MPP3: variants seen among roughly 807,000 people sequenced by gnomAD.
The protein encoded by MPP3 is MAGUK p55 subfamily member 3.
In MPP3, 48 loss-of-function variants were observed where a neutral mutation model predicts 80.7. The ratio of observed to expected loss-of-function variants is 0.59; its 90% CI spans 0.47 to 0.76. The LOEUF (loss-of-function observed/expected upper bound fraction) is 0.76, where lower values mean the gene tolerates loss of function less well. Ranked by LOEUF, MPP3 falls within the 30% of genes least tolerant of loss-of-function variation. MPP3 has a pLI of 0.00. For missense variants in MPP3, 620 were observed against 763.0 expected (o/e 0.81, Z 2.21); for synonymous variants, 311 against 297.6 (o/e 1.04, Z -0.46).
intron 19 of MPP3, among the ~76,000 whole-genome samples, chr17:43,804,464 A>C (rs1240771121): frequency 6.6e-6 from 1 of 152,208 alleles, no homozygotes; most frequent in Non-Finnish European, 1.5e-5. Context: ...TCAACCAGTG[A>C]TGCTGGGGTA....
intron 16 of MPP3, chr17:43,811,500 CAGCCAGAA>C (rs1408975396): frequency 3.0e-6 from 1 of 335,612 alleles, no homozygotes; most frequent in Non-Finnish European, 5.5e-6. Context: ...GTAGAGAGCA[CAGCCAGAA>C]TCGGTCTCTC....
At chr17:43,819,995 A>C (rs2045341964) in intron 11 of MPP3, among the ~76,000 whole-genome samples, 1 of 151,984 alleles carries the variant, frequency 6.6e-6, no homozygotes, top group Non-Finnish European at 1.5e-5. Context: ...CTCAGGCTGG[A>C]GTGCAGTGGT....
chr17:43,813,481 C>T (rs2044963176), intron 16 of MPP3, among the ~76,000 whole-genome samples: 1 of 152,164 alleles, frequency 6.6e-6, no homozygotes, highest in African/African-American at 2.4e-5. Context: ...TGGAGCTTGA[C>T]ATCCCAGGGT....
At chr17:43,810,228 G>C (rs1310371297) in intron 18 of MPP3, among the ~76,000 whole-genome samples, 2 of 152,176 alleles carry the variant, frequency 1.3e-5, no homozygotes, top group Non-Finnish European at 2.9e-5. Context: ...TCAAAGCTTG[G>C]AAGTTTTTCT....
intron 7 of MPP3, among the ~76,000 whole-genome samples, chr17:43,829,326 G>C (rs941580604): frequency 2.0e-5 from 3 of 152,162 alleles, no homozygotes; most frequent in Non-Finnish European, 4.4e-5. Context: ...CTCCAAAAAA[G>C]CTTTATTTTA....
chr17:43,826,141 AAC>A (rs2045685520), intron 8 of MPP3, among the ~76,000 whole-genome samples: 1 of 152,250 alleles, frequency 6.6e-6, no homozygotes, highest in Non-Finnish European at 1.5e-5. Flanking sequence ...CCAGTATTCA[AAC>A]ACAGTTATTA....
At chr17:43,823,652 TCTC>T (rs2045564106) in intron 10 of MPP3, among the ~76,000 whole-genome samples, 1 of 152,198 alleles carries the variant, frequency 6.6e-6, no homozygotes, top group South Asian at 2.1e-4. Flanking sequence ...CTTGGTACCT[TCTC>T]CTCCTCTTCA....
chr17:43,811,386 C>T, intron 16 of MPP3, 181 bp from the exon 17 acceptor site: 4 of 594,856 alleles, frequency 6.7e-6, no homozygotes, highest in Non-Finnish European at 3.0e-6. Flanking sequence ...ATCACTGATT[C>T]ACACAACAAC....
At chr17:43,826,542 G>A (rs2045703906) in intron 8 of MPP3, among the ~76,000 whole-genome samples, 2 of 152,164 alleles carry the variant, frequency 1.3e-5, no homozygotes, top group Non-Finnish European at 2.9e-5. Context: ...GACTTTGGGG[G>A]TAACATCGCC....
intron 9 of MPP3, 163 bp downstream of exon 9, chr17:43,825,593 C>A (rs2045656225): frequency 1.7e-6 from 1 of 581,968 alleles, no homozygotes; most frequent in Non-Finnish European, 3.1e-6. Flanking sequence ...GCTGCCACCC[C>A]ATACCCCGGG....
Position 43,830,084 on chromosome 17 carries a change from G to A in MPP3, c.246C>T (p.Ala82=), listed in dbSNP as rs1282798589. The change falls in exon 6 of 20, where the codon GCC becomes GCT. Residue 82 remains alanine, a synonymous_variant. Transcript: ENST00000398389. ...AEDVMEELQA[A]SVHSDERELL... The stretch of plus-strand genomic sequence containing the variant: ...GCTCCCTCTCATCACTGTGCACGGA[G>A]GCGGCCTGCAACTCCTCCATCACCT... The A allele has an allele frequency of 1.3e-6, 2 of 1,554,828 alleles. No homozygotes were observed. Among genetic ancestry groups the A allele is most frequent in the Non-Finnish European group, 1.7e-6 (2 of 1,151,932 alleles).
intron 11 of MPP3, 36 bp downstream of exon 11, chr17:43,820,826 C>T: frequency 6.2e-7 from 1 of 1,605,922 alleles, no homozygotes; most frequent in Non-Finnish European, 8.5e-7. Flanking sequence ...CTCTGCCACT[C>T]TGGAACCAGC....
In MPP3 at chr17:43,801,730, G is replaced by C; in HGVS notation, c.1729C>G (p.His577Asp). Residue 577 changes from histidine (H) to aspartate (D), a missense_variant, in exon 20 of 20, where the codon CAC (histidine) becomes GAC (aspartate). Coordinates refer to ENST00000398389, the MANE Select transcript of MPP3 (RefSeq NM_001932.6). ...CTGACCCAACTAACAGGTACCCAGT[G>C]AGTGTCCTTGCTCAGCTTCTCTAAG... ...VVLEKLSKDT[H>D]WVPVSWVR 1.9e-6 allele frequency: 3 copies of C among 1,614,124 alleles called. No homozygotes were observed. Among genetic ancestry groups the C allele is most frequent in the Middle Eastern group, 1.6e-4 (1 of 6,062 alleles).
chr17:43,809,005 C>CT lies in MPP3; in HGVS notation c.1531dup (p.Arg511LysfsTer11). On this transcript the variant is annotated frameshift_variant, in exon 19 of 20. Transcript: ENST00000398389. LOFTEE classifies it high-confidence loss of function. ...AGCTGGGGACATAGGTGGCGTTTTT[C>CT]TTTTTTCCTGAATTGCAGGCTTTAC... 1 of 1,589,774 alleles carries CT rather than the reference C, an allele frequency of 6.3e-7. No individual in the cohort carries two copies. Among genetic ancestry groups the CT allele is most frequent in the Non-Finnish European group, 8.6e-7 (1 of 1,167,684 alleles).
intron 16 of MPP3, among the ~76,000 whole-genome samples, chr17:43,813,593 G>A (rs562723276): frequency 1.8e-4 from 28 of 152,216 alleles, no homozygotes; most frequent in Admixed American, 1.1e-3. Context: ...AGGGAGTGCC[G>A]AGAAATACCA....
At chr17:43,815,847 T>G (rs371602276) in intron 14 of MPP3, 191 bp downstream of exon 14, 5 of 669,714 alleles carry the variant, frequency 7.5e-6, no homozygotes, top group African/African-American at 7.3e-5. Flanking sequence ...AAAAGCTGGG[T>G]GGGGGCCCAA....
intron 10 of MPP3, among the ~76,000 whole-genome samples, chr17:43,821,365 T>C (rs1015538541): frequency 2.0e-5 from 3 of 152,186 alleles, no homozygotes; most frequent in Non-Finnish European, 2.9e-5. Flanking sequence ...CCTCTTAGCA[T>C]ACACACAGCA....
Position 43,827,838 on chromosome 17 carries a change from C to T in MPP3, c.442-6G>A. ...TCCCGCCGGATGGTGGCACCCTGAACCCGAGACAGAAGAGACAGGTTCTTA... is the reference window on the plus strand; with the variant it reads ...TCCCGCCGGATGGTGGCACCCTGAATCCGAGACAGAAGAGACAGGTTCTTA... On this transcript the variant is annotated splice_region_variant and splice_polypyrimidine_tract_variant and intron_variant, in intron 7 of 19. Coordinates refer to ENST00000398389, the MANE Select transcript of MPP3 (RefSeq NM_001932.6). The T allele has an allele frequency of 1.2e-6, 2 of 1,613,054 alleles. No individual in the cohort carries two copies. Among genetic ancestry groups the T allele is most frequent in the Middle Eastern group, 1.6e-4 (1 of 6,062 alleles).
chr17:43,807,669 A>T (rs1205113069), intron 19 of MPP3, among the ~76,000 whole-genome samples: 29 of 152,006 alleles, frequency 1.9e-4, no homozygotes, highest in Non-Finnish European at 4.4e-5. Flanking sequence ...TAAATAATTT[A>T]CTGAGACCAG....
Sources: gnomAD v4.1 joint callset for allele counts (sites outside exome capture counted in the v4.1 genomes callset) on GRCh38, gnomAD v4.1.1 for gene constraint, MANE v1.5 for transcripts, NCBI Gene and HGNC (gene_info 2026-07-23, HGNC 2026-07-21) for gene names.